EML2: variants seen among roughly 807,000 people sequenced by gnomAD.
The protein encoded by EML2 is EMAP like 2.
A neutral mutation model predicts 84.7 loss-of-function variants in EML2; 59 were observed. The ratio of observed to expected loss-of-function variants is 0.70; its 90% confidence interval spans 0.56 to 0.86. EML2 has a LOEUF of 0.86. EML2 is among the 40% of genes least tolerant of loss of function. The pLI is 0.00. For synonymous variants in EML2, 352 were observed against 348.9 expected, an observed-to-expected ratio of 1.01 and a Z score of -0.10; for missense variants, 818 against 855.6, an observed-to-expected ratio of 0.96 and a Z score of 0.55.
chr19:45,621,745 T>A (rs1199436692), intron 9 of EML2, 108 bp from the exon 10 acceptor site: 1 of 1,266,428 alleles, frequency 7.9e-7, no homozygotes, highest in African/African-American at 1.5e-5. Context: ...CACCCACTTT[T>A]CCACCTTTTT....
At chr19:45,615,700 C>T (rs182064686) in intron 16 of EML2, 102 bp downstream of exon 16, 3 of 1,037,560 alleles carry the variant, frequency 2.9e-6, no homozygotes, top group African/African-American at 3.1e-5. Flanking sequence ...GCCTTGAATA[C>T]CAAGGGAGCG....
At chr19:45,636,578 A>G (rs1973749743) in intron 3 of EML2, among the ~76,000 whole-genome samples, 2 of 152,164 alleles carry the variant, frequency 1.3e-5, no homozygotes, top group Admixed American at 1.3e-4. Flanking sequence ...GCTAGACTGT[A>G]TGCCCCAGGA....
At chr19:45,625,674 C>T (rs534612083) in intron 8 of EML2, among the ~76,000 whole-genome samples, 1 of 152,286 alleles carries the variant, frequency 6.6e-6, no homozygotes, top group East Asian at 1.9e-4. Context: ...TCTGTTTCAT[C>T]TCCGTGCCCA....
At chr19:45,641,540 C>T, upstream of EML2, 3 of 1,197,902 alleles carry the variant, frequency 2.5e-6, no homozygotes, top group Non-Finnish European at 2.3e-6. Context: ...AACTAGCTGG[C>T]CCCACTCTAG....
upstream of EML2, chr19:45,645,395 C>T (rs1372174117): frequency 4.0e-6 from 6 of 1,497,848 alleles, 1 homozygote; most frequent in Admixed American, 1.1e-4. Context: ...CCGGTCCCCC[C>T]AACCAGGCCC....
upstream of EML2, among the ~76,000 whole-genome samples, chr19:45,645,114 C>T (rs185741795): frequency 2.6e-5 from 4 of 151,990 alleles, no homozygotes; most frequent in East Asian, 7.7e-4. Context: ...GTTTTGGGGA[C>T]CAGGGACCTT....
rs1367731629 is a variant in EML2, at chr19:45,634,323, A to G, written c.328T>C (p.Cys110Arg). 6 of 1,612,946 alleles carry G rather than the reference A, an allele frequency of 3.7e-6. No homozygotes were observed. Among genetic ancestry groups the G allele is most frequent in the Non-Finnish European group, 5.1e-6 (6 of 1,179,280 alleles). ...CGTCCCCTCTGTCCCACATCTCACC[A>G]TTTGATGTCATCGTTGTGTCCCAGG... ...HYLGHNDDIK[C>R]LAIHPDMVTI... is the part of the protein sequence containing the mutation. Residue 110 changes from cysteine to arginine, a missense_variant and splice_region_variant, in exon 4 of 19, where the codon TGC (cysteine) becomes CGC (arginine). Coordinates refer to ENST00000245925, the MANE Select transcript of EML2 (RefSeq NM_012155.4).
chr19:45,616,250 A>G, intron 15 of EML2: 1 of 526,888 alleles, frequency 1.9e-6, no homozygotes, highest in Non-Finnish European at 3.3e-6. Context: ...GGCTACACAG[A>G]TGGGCTTAGC....
upstream of EML2, chr19:45,645,142 C>A: frequency 1.9e-6 from 2 of 1,076,758 alleles, no homozygotes; most frequent in Non-Finnish European, 2.6e-6. Flanking sequence ...GGTCAGGGTC[C>A]TGCTGAGGGA....
At chr19:45,625,334 G>T (rs1057215344) in intron 8 of EML2, among the ~76,000 whole-genome samples, 2 of 152,184 alleles carry the variant, frequency 1.3e-5, no homozygotes, top group African/African-American at 4.8e-5. Flanking sequence ...TCCACCTCCC[G>T]GGTTCAAGCG....
intron 4 of EML2, among the ~76,000 whole-genome samples, chr19:45,633,865 C>A (rs751598): frequency 0.084 from 12,736 of 152,270 alleles, 1,037 homozygotes; most frequent in African/African-American, 0.2. Context: ...CCGCCTTGGC[C>A]TCCCAAAGTG....
intron 18 of EML2, 42 bp from the exon 19 acceptor site, chr19:45,609,830 A>C (rs1568424062): frequency 6.2e-7 from 1 of 1,603,092 alleles, no homozygotes; most frequent in African/African-American, 1.3e-5. Context: ...GTCAGTGGGG[A>C]CAATGCCACC....
At chr19:45,641,709 C>T (rs1336053919), upstream of EML2, 2 of 1,535,948 alleles carry the variant, frequency 1.3e-6, no homozygotes, top group Admixed American at 3.9e-5. Flanking sequence ...CACGGCGCAC[C>T]GAGGCGAGGC....
chr19:45,631,448 T>C (rs1255199781), intron 6 of EML2, among the ~76,000 whole-genome samples: 3 of 152,152 alleles, frequency 2.0e-5, no homozygotes, highest in South Asian at 2.1e-4. Flanking sequence ...AGACAGAGTC[T>C]CACTCGGTCC....
upstream of EML2, chr19:45,645,548 C>T (rs2122867070): frequency 9.2e-7 from 1 of 1,091,776 alleles, no homozygotes; most frequent in Non-Finnish European, 1.2e-6. Flanking sequence ...CCTGCCAAGC[C>T]CCCCAACACA....
chr19:45,615,750 A>T (rs1466097175), intron 16 of EML2, 52 bp downstream of exon 16: 37 of 1,480,782 alleles, frequency 2.5e-5, no homozygotes, highest in Non-Finnish European at 3.2e-5. Flanking sequence ...AACTCAGGGA[A>T]GTCTGCAAAT....
At chr19:45,626,351 G>A (rs1038404490) in intron 8 of EML2, among the ~76,000 whole-genome samples, 12 of 130,638 alleles carry the variant, frequency 9.2e-5, no homozygotes, top group Non-Finnish European at 1.9e-4. Context: ...AGGAACTGCT[G>A]TACTCTTCAT....
At chr19:45,627,148 C>G (rs1972450307) in intron 7 of EML2, among the ~76,000 whole-genome samples, 1 of 151,576 alleles carries the variant, frequency 6.6e-6, no homozygotes, top group African/African-American at 2.4e-5. Context: ...TTAGTAGAGA[C>G]AGGATTTCAC....
Position 45,619,368 on chromosome 19 carries a change from C to T in EML2, c.1123-177G>A, listed in dbSNP as rs552366133. On this transcript the variant is annotated intron_variant, in intron 11 of 18. Coordinates refer to ENST00000245925, the MANE Select transcript of EML2 (RefSeq NM_012155.4). ...CCTCAATTGGGCATCTGAACCCATG[C>T]CCTGGTGTGTGACTCAAGGCAAATC... 1.4e-5 allele frequency: 10 copies of T among 714,616 alleles called. No homozygotes were observed. In the East Asian group the frequency reaches 2.2e-4, roughly 15 times the overall value. The allele number at this position is 714,616 out of a possible 1,614,324, so 44.3% of individuals were successfully genotyped here. A position where few individuals can be genotyped will look rare whatever the true frequency, so the allele number is the denominator to read the frequency against.
Sources: gnomAD v4.1 joint callset for allele counts (sites outside exome capture counted in the v4.1 genomes callset) on GRCh38, gnomAD v4.1.1 for gene constraint, MANE v1.5 for transcripts, NCBI Gene and HGNC (gene_info 2026-07-23, HGNC 2026-07-21) for gene names.